The following INPP4B variants were observed in gnomAD, a reference collection of about 807,000 sequenced individuals.
INPP4B encodes inositol polyphosphate 4-phosphatase type II.
INPP4B carries 55 observed loss-of-function variants against 122.5 expected under a neutral mutation model. The observed-to-expected ratio is 0.45, with a 90% CI of 0.36 to 0.56. The LOEUF is 0.56. Ranked by LOEUF, INPP4B falls within the 20% of genes least tolerant of loss-of-function variation. INPP4B has a pLI of 0.00. For synonymous variants in INPP4B, 403 were observed against 388.7 expected (o/e 1.04, Z -0.43); for missense variants, 1,000 against 1,097.7 (o/e 0.91, Z 1.26).
At chr4:142,521,085 A>G (rs1281655651) in intron 2 of INPP4B, among the ~76,000 whole-genome samples, 6 of 151,954 alleles carry the variant, frequency 3.9e-5, no homozygotes, top group Admixed American at 2.0e-4. Flanking sequence ...TTTTATATCC[A>G]TTATATGTCT....
At chr4:142,492,814 C>A (rs900582904) in intron 2 of INPP4B, among the ~76,000 whole-genome samples, 2 of 152,048 alleles carry the variant, frequency 1.3e-5, no homozygotes, top group African/African-American at 4.8e-5. Flanking sequence ...AAGCTTGCTG[C>A]AGAAATTTGC....
chr4:142,793,207 C>G (rs561922565), intron 1 of INPP4B, among the ~76,000 whole-genome samples: 1 of 152,030 alleles, frequency 6.6e-6, no homozygotes, highest in East Asian at 1.9e-4. Flanking sequence ...AGTGGAACTT[C>G]GTGAAGAAGA....
intron 22 of INPP4B, 94 bp from the exon 23 acceptor site, chr4:142,108,284 A>C: frequency 7.2e-6 from 5 of 695,570 alleles, no homozygotes; most frequent in Non-Finnish European, 1.3e-5. Flanking sequence ...TTAGAAAATA[A>C]TTTCCTAAGG....
intron 21 of INPP4B, among the ~76,000 whole-genome samples, chr4:142,120,647 A>T (rs1796172423): frequency 6.6e-6 from 1 of 152,062 alleles, no homozygotes; most frequent in Admixed American, 6.6e-5. Context: ...TTCCTACTCC[A>T]ATCCAAGTCA....
Position 142,347,609 on chromosome 4 carries a change from C to G in INPP4B, c.373-32847G>C, listed in dbSNP as rs144940341. ...CATTTAATTTCCAACTTGGAAATAT[C>G]AAAATAAAAATTAAATTTCAATAAA... On this transcript the variant is annotated intron_variant, in intron 7 of 25. Transcript: ENST00000262992. 78 of 341,414 alleles carry G rather than the reference C, an allele frequency of 2.3e-4. 1 individual carries two copies. The East Asian group carries it at 5.8e-3, about 25-fold the overall frequency. 21.1% of individuals were successfully genotyped at this position (341,414 alleles called of 1,614,324 possible). A position where few individuals can be genotyped will look rare whatever the true frequency, so the allele number is the denominator to read the frequency against.
Position 142,513,803 on chromosome 4 carries a change from T to A in INPP4B, c.-190-51077A>T, listed in dbSNP as rs148148266. Among the ~76,000 whole-genome samples the A allele has an allele frequency of 3.6e-3, 541 of 152,230 alleles. 4 individuals are homozygous for A. The highest frequency in any genetic ancestry group is 0.013 in the African/African-American group (529 of 41,548). On this transcript the variant is annotated intron_variant, in intron 2 of 25. Transcript: ENST00000262992. ...CAAAGGCCCCCAACGCCTAATACCATCACATTGGGGATTAGGATTTAAACA... is the reference window on the plus strand; with the variant it reads ...CAAAGGCCCCCAACGCCTAATACCAACACATTGGGGATTAGGATTTAAACA...
At chr4:142,622,558 G>A (rs1212089179) in intron 2 of INPP4B, among the ~76,000 whole-genome samples, 1 of 151,942 alleles carries the variant, frequency 6.6e-6, no homozygotes, top group Non-Finnish European at 1.5e-5. Flanking sequence ...GAGACCGCCT[G>A]AGTGGAGAAG....
At chr4:142,311,189 T>A (rs1305182849) in intron 8 of INPP4B, among the ~76,000 whole-genome samples, 1 of 152,188 alleles carries the variant, frequency 6.6e-6, no homozygotes, top group East Asian at 1.9e-4. Flanking sequence ...GAGGATTCGC[T>A]GATAGGATGT....
chr4:142,514,115 C>T (rs1825108663), intron 2 of INPP4B: 1 of 152,168 alleles, frequency 6.6e-6, no homozygotes, highest in African/African-American at 2.4e-5. Context: ...ATATGAAACT[C>T]TCAAGCATAT....
intron 1 of INPP4B, among the ~76,000 whole-genome samples, chr4:142,815,872 T>C (rs919828433): frequency 5.3e-5 from 8 of 152,306 alleles, no homozygotes; most frequent in Middle Eastern, 3.4e-3. Context: ...TAGTTATTAA[T>C]TTTATTTTCA....
At chr4:142,209,944 A>T (rs1844215440) in intron 12 of INPP4B, among the ~76,000 whole-genome samples, 1 of 152,158 alleles carries the variant, frequency 6.6e-6, no homozygotes, top group Non-Finnish European at 1.5e-5. Flanking sequence ...AGAAGAGCTA[A>T]CCATGTCATT....
intron 2 of INPP4B, among the ~76,000 whole-genome samples, chr4:142,482,297 A>G (rs375771065): frequency 5.9e-5 from 9 of 152,302 alleles, no homozygotes; most frequent in African/African-American, 1.9e-4. Flanking sequence ...TGGTAAGCCC[A>G]TAACAGTGAA....
intron 2 of INPP4B, among the ~76,000 whole-genome samples, chr4:142,709,549 T>G (rs1171525544): frequency 1.3e-5 from 2 of 152,102 alleles, no homozygotes; most frequent in Non-Finnish European, 2.9e-5. Context: ...GAGATCTGAT[T>G]GTTTAAAACT....
At position 142,819,051 on chromosome 4, in the gene INPP4B, G is replaced by A. The variant is rs976725235; in HGVS notation, c.-254+27158C>T. ...TTGAGAGATGAAGGACTCCAGTCATGCGTTGTGTGCTGGGATTACTCTTTA... is the reference window on the plus strand; with the variant it reads ...TTGAGAGATGAAGGACTCCAGTCATACGTTGTGTGCTGGGATTACTCTTTA... On this transcript the variant is annotated intron_variant, in intron 1 of 25. Transcript: ENST00000262992. Among the ~76,000 whole-genome samples the A allele has an allele frequency of 1.6e-4, 25 of 152,280 alleles. 1 individual carries two copies. Among genetic ancestry groups the A allele is most frequent in the African/African-American group, 6.0e-4 (25 of 41,572 alleles).
At chr4:142,068,718 A>T (rs1765160254) in intron 25 of INPP4B, among the ~76,000 whole-genome samples, 1 of 152,226 alleles carries the variant, frequency 6.6e-6, no homozygotes. Flanking sequence ...ACCAACAAAG[A>T]TCAAAAGAGA....
At chr4:142,096,733 TACAA>T (rs1781980740) in intron 23 of INPP4B, among the ~76,000 whole-genome samples, 1 of 152,130 alleles carries the variant, frequency 6.6e-6, no homozygotes, top group South Asian at 2.1e-4. Context: ...AATTTGTAAT[TACAA>T]GTGTGTAAAA....
chr4:142,617,660 G>T (rs910441944), intron 2 of INPP4B, among the ~76,000 whole-genome samples: 8 of 152,110 alleles, frequency 5.3e-5, no homozygotes, highest in South Asian at 2.1e-4. Context: ...GGCACTGTCT[G>T]TCTGCTTCCC....
intron 1 of INPP4B, among the ~76,000 whole-genome samples, chr4:142,840,799 A>G (rs1783387325): frequency 6.6e-6 from 1 of 152,124 alleles, no homozygotes; most frequent in South Asian, 2.1e-4. Context: ...TATTTTAAAC[A>G]AAATTTATTC....
intron 15 of INPP4B, among the ~76,000 whole-genome samples, chr4:142,178,468 T>C (rs1829328731): frequency 6.6e-6 from 1 of 152,156 alleles, no homozygotes; most frequent in African/African-American, 2.4e-5. Flanking sequence ...AGAAATATAA[T>C]TTATTTTCCT....
Sources: gnomAD v4.1 joint callset for allele counts (sites outside exome capture counted in the v4.1 genomes callset) on GRCh38, gnomAD v4.1.1 for gene constraint, MANE v1.5 for transcripts, NCBI Gene and HGNC (gene_info 2026-07-23, HGNC 2026-07-21) for gene names.